STRBP: variants seen among roughly 807,000 people sequenced by gnomAD.
STRBP encodes spermatid perinuclear RNA binding protein.
A neutral mutation model predicts 80.1 loss-of-function variants in STRBP; 13 were observed. The ratio of observed to expected loss-of-function variants is 0.16; its 90% CI spans 0.11 to 0.26. The LOEUF is 0.26. STRBP is among the 10% of genes least tolerant of loss of function. The pLI, the probability that STRBP is intolerant of heterozygous loss-of-function variation, is 1.00. For synonymous variants in STRBP, 284 were observed against 291.2 expected (o/e 0.98, Z 0.25); for missense variants, 485 against 815.2 (o/e 0.59, Z 4.93).
chr9:123,234,200 C>CA (rs59309974), intron 2 of STRBP, among the ~76,000 whole-genome samples: 4,119 of 71,992 alleles, frequency 0.057, 169 homozygotes, highest in African/African-American at 0.14. Context: ...GACGCCGTGT[C>CA]AAAAAAAAAA....
chr9:123,118,984 A>G (rs530765278), downstream of STRBP, among the ~76,000 whole-genome samples: 1 of 152,350 alleles, frequency 6.6e-6, no homozygotes, highest in Admixed American at 6.5e-5. Context: ...CCAGACAGTA[A>G]ATGGATAGAC....
rs547783847 is a variant in STRBP at position 123,173,629 on chromosome 9, T to G, written c.390+48A>C. ...TAATTTTTTCAAAGTCACTACCTATTTCACCTTTTTACAAATTCGCCTAGA... is the reference window on the plus strand; with the variant it reads ...TAATTTTTTCAAAGTCACTACCTATGTCACCTTTTTACAAATTCGCCTAGA... On this transcript the variant is annotated intron_variant, in intron 5 of 18. Transcript: ENST00000348403. 3.2e-6 allele frequency: 5 copies of G among 1,556,638 alleles called. No homozygotes were observed. In the African/African-American group the frequency reaches 6.9e-5, roughly 21 times the overall value.
chr9:123,254,727 A>G (rs2040991733), intron 1 of STRBP, among the ~76,000 whole-genome samples: 1 of 152,222 alleles, frequency 6.6e-6, no homozygotes, highest in Non-Finnish European at 1.5e-5. Flanking sequence ...CGGTGAGGTG[A>G]AAAATATAAA....
chr9:123,230,047 GGACTATACA>G (rs1344342049), intron 2 of STRBP, among the ~76,000 whole-genome samples: 1 of 152,070 alleles, frequency 6.6e-6, no homozygotes, highest in Non-Finnish European at 1.5e-5. Context: ...TTAAAGTGTG[GGACTATACA>G]GACTATACAG....
intron 1 of STRBP, among the ~76,000 whole-genome samples, chr9:123,260,866 T>C (rs1260971058): frequency 6.6e-6 from 1 of 152,152 alleles, no homozygotes; most frequent in East Asian, 1.9e-4. Context: ...TGATGAAAAA[T>C]GAAAAATAAA....
intron 11 of STRBP, among the ~76,000 whole-genome samples, chr9:123,157,456 C>T (rs536397363): frequency 1.2e-4 from 19 of 152,196 alleles, no homozygotes; most frequent in Middle Eastern, 6.8e-3. Flanking sequence ...CATTAGCTGA[C>T]GTTACCTAAT....
intron 2 of STRBP, among the ~76,000 whole-genome samples, chr9:123,200,693 G>A (rs1400828901): frequency 2.1e-5 from 3 of 141,496 alleles, no homozygotes; most frequent in Admixed American, 1.5e-4. Context: ...TCAGCCTCCC[G>A]AGTAGCTGGG....
At chr9:123,231,279 C>T (rs2040391355) in intron 2 of STRBP, among the ~76,000 whole-genome samples, 1 of 152,180 alleles carries the variant, frequency 6.6e-6, no homozygotes, top group African/African-American at 2.4e-5. Context: ...TACTGCACTT[C>T]CAACTGCCTT....
chr9:123,216,762 A>AT (rs2039911869), intron 2 of STRBP, among the ~76,000 whole-genome samples: 1 of 152,182 alleles, frequency 6.6e-6, no homozygotes, highest in Non-Finnish European at 1.5e-5. Context: ...GTGAGCCTTC[A>AT]TTTTTTATCT....
At chr9:123,189,467 TA>T (rs61601485) in intron 2 of STRBP, among the ~76,000 whole-genome samples, 1 of 141,142 alleles carries the variant, frequency 7.1e-6, no homozygotes, top group Non-Finnish European at 1.5e-5. Context: ...ATAATAATAA[TA>T]AAAAAAAAGA....
At chr9:123,239,299 C>G (rs941779864) in intron 1 of STRBP, among the ~76,000 whole-genome samples, 1 of 152,082 alleles carries the variant, frequency 6.6e-6, no homozygotes, top group African/African-American at 2.4e-5. Flanking sequence ...GGCGTGAACC[C>G]GGGAGGCAGA....
chr9:123,260,607 TA>T (rs946525112), intron 1 of STRBP, among the ~76,000 whole-genome samples: 2 of 152,204 alleles, frequency 1.3e-5, no homozygotes, highest in Non-Finnish European at 2.9e-5. Flanking sequence ...ATTGTTAATT[TA>T]GGGGGTTAAA....
At chr9:123,252,677 C>T (rs947223939) in intron 1 of STRBP, among the ~76,000 whole-genome samples, 2 of 152,232 alleles carry the variant, frequency 1.3e-5, no homozygotes, top group Non-Finnish European at 2.9e-5. Flanking sequence ...TCAATACACA[C>T]ACTCAAGACA....
chr9:123,239,738 T>C (rs753739030), intron 1 of STRBP, among the ~76,000 whole-genome samples: 1 of 152,216 alleles, frequency 6.6e-6, no homozygotes, highest in East Asian at 1.9e-4. Flanking sequence ...TTTTAAAGGA[T>C]AGTTATAAAA....
chr9:123,193,444 T>G (rs2038993188), intron 2 of STRBP, among the ~76,000 whole-genome samples: 1 of 152,226 alleles, frequency 6.6e-6, no homozygotes, highest in African/African-American at 2.4e-5. Context: ...ATTACTTATT[T>G]GACTTCTCCA....
At chr9:123,141,757 T>C (rs1239894964) in intron 13 of STRBP, among the ~76,000 whole-genome samples, 1 of 152,258 alleles carries the variant, frequency 6.6e-6, no homozygotes, top group Non-Finnish European at 1.5e-5. Context: ...ACAAATATTT[T>C]ATATAACTGG....
intron 2 of STRBP, among the ~76,000 whole-genome samples, chr9:123,231,729 C>T (rs2040403194): frequency 6.6e-6 from 1 of 152,150 alleles, no homozygotes; most frequent in African/African-American, 2.4e-5. Context: ...GTCTCTGCCC[C>T]ACTTGCCTCC....
At chr9:123,232,184 T>C (rs1013776771) in intron 2 of STRBP, among the ~76,000 whole-genome samples, 2 of 152,086 alleles carry the variant, frequency 1.3e-5, no homozygotes, top group Non-Finnish European at 2.9e-5. Context: ...TGGTGGTACA[T>C]GCTTGAAATT....
chr9:123,189,184 T>C lies in STRBP; in HGVS notation c.-164-4886A>G, dbSNP rs549521199. ...GGGACATGGATGAAGCTGGAAACCA[T>C]CATTCTCAGCAAACTATCGCAAGGA... On this transcript the variant is annotated intron_variant, in intron 2 of 18. Transcript: ENST00000348403. 8.6e-5 allele frequency among the ~76,000 whole-genome samples: 13 copies of C among 151,410 alleles called. No individual in the cohort carries two copies. In the East Asian group the frequency reaches 2.0e-3, roughly 23 times the overall value.
Sources: allele counts gnomAD v4.1 joint callset (sites outside exome capture counted in the v4.1 genomes callset), GRCh38; gene constraint gnomAD v4.1.1; transcripts MANE v1.5; gene names NCBI Gene and HGNC (gene_info 2026-07-23, HGNC 2026-07-21).